Variants in NBAS observed in about 807,000 individuals in gnomAD.
NBAS encodes NBAS subunit of NRZ tethering complex.
Under a neutral mutation model 302.5 loss-of-function variants are expected in NBAS, and 219 were observed. That is an observed-to-expected ratio of 0.72 (90% CI 0.65 to 0.81). NBAS has a LOEUF of 0.81. Ranked by LOEUF, NBAS falls within the 30% of genes least tolerant of loss-of-function variation. The probability of loss-of-function intolerance (pLI) is 0.00; values close to 1 mark genes in which losing one functional copy is unlikely to be tolerated. For missense variants in NBAS, 2,932 were observed against 2,841.6 expected (o/e 1.03, Z -0.72); for synonymous variants, 1,118 against 1,021.6 (o/e 1.09, Z -1.80).
rs1664476768 is a variant in NBAS at position 15,553,447 on chromosome 2, T to C, written c.314A>G (p.Gln105Arg). ...ASNGKLLAAV[Q>R]DQCVEIRSAK... ...TTACCTGATTTCCACACACTGATCT[T>C]GAACAGCAGCCAAAAGCTTTCCATT... The change falls in exon 5 of 52, where the codon CAA becomes CGA. Residue 105 changes from glutamine (Q) to arginine (R), a missense_variant. Gln to Arg is a conservative substitution (Grantham distance 43, BLOSUM62 1). Transcript: ENST00000281513. The C allele has an allele frequency of 1.2e-6, 2 of 1,611,564 alleles. No individual in the cohort carries two copies. Among genetic ancestry groups the C allele is most frequent in the Admixed American group, 1.7e-5 (1 of 60,018 alleles).
chr2:15,461,174 T>C (rs1679489375), intron 21 of NBAS, 27 bp downstream of exon 21: 1 of 1,603,126 alleles, frequency 6.2e-7, no homozygotes, highest in African/African-American at 1.3e-5. Context: ...AAAAAGAAGG[T>C]AAAATTCTGT....
the NBAS span, among the ~76,000 whole-genome samples, chr2:15,045,767 A>C: frequency 6.6e-6 from 1 of 152,162 alleles, no homozygotes; most frequent in African/African-American, 2.4e-5. Flanking sequence ...TTCTACGCCA[A>C]ATTTTTTGAG....
intron 4 of NBAS, among the ~76,000 whole-genome samples, chr2:15,553,832 CCCT>C (rs1664505216): frequency 1.5e-5 from 2 of 137,318 alleles, no homozygotes; most frequent in Non-Finnish European, 3.2e-5. Flanking sequence ...CTCTCTCTCT[CCCT>C]CTCTCCCTCT....
chr2:15,517,770 T>C (rs1368379920), intron 9 of NBAS, among the ~76,000 whole-genome samples: 1 of 152,166 alleles, frequency 6.6e-6, no homozygotes, highest in Non-Finnish European at 1.5e-5. Context: ...ACACAGTACA[T>C]AGAGTATCGT....
At chr2:15,227,661 G>A (rs1667201640) in intron 47 of NBAS, among the ~76,000 whole-genome samples, 1 of 152,078 alleles carries the variant, frequency 6.6e-6, no homozygotes. Context: ...GAACATAATA[G>A]AGAACCCCAA....
At chr2:14,954,126 G>C in the NBAS span, among the ~76,000 whole-genome samples, 1 of 152,186 alleles carries the variant, frequency 6.6e-6, no homozygotes, top group African/African-American at 2.4e-5. Context: ...TTGATGTAAA[G>C]GCAGAAATTA....
chr2:15,112,044 C>T, the NBAS span, among the ~76,000 whole-genome samples: 5 of 150,346 alleles, frequency 3.3e-5, no homozygotes, highest in African/African-American at 7.3e-5. Context: ...AAATGCTCTG[C>T]AAAGTTATTG....
the NBAS span, among the ~76,000 whole-genome samples, chr2:14,950,109 A>G: frequency 1.3e-5 from 2 of 152,148 alleles, no homozygotes; most frequent in Non-Finnish European, 2.9e-5. Flanking sequence ...TGGTGCACCT[A>G]TCACCCAAGC....
intron 8 of NBAS, among the ~76,000 whole-genome samples, chr2:15,535,681 T>C (rs1437759825): frequency 6.6e-6 from 1 of 152,126 alleles, no homozygotes; most frequent in Non-Finnish European, 1.5e-5. Flanking sequence ...ATAAATGCTA[T>C]GTAAATAGTA....
At chr2:14,989,165 A>G in the NBAS span, among the ~76,000 whole-genome samples, 7 of 152,210 alleles carry the variant, frequency 4.6e-5, no homozygotes, top group African/African-American at 1.7e-4. Flanking sequence ...CATGACTCTA[A>G]GTATCCAAAA....
chr2:15,259,666 T>C (rs983400836), intron 44 of NBAS, among the ~76,000 whole-genome samples: 2 of 152,204 alleles, frequency 1.3e-5, no homozygotes, highest in Non-Finnish European at 2.9e-5. Flanking sequence ...CTCACTTCCA[T>C]GGATGCCTTG....
intron 31 of NBAS, among the ~76,000 whole-genome samples, chr2:15,371,159 G>A (rs1481567546): frequency 1.3e-5 from 2 of 152,090 alleles, no homozygotes; most frequent in South Asian, 2.1e-4. Context: ...GCACTTCCTC[G>A]TTCTCAAATA....
intron 28 of NBAS, among the ~76,000 whole-genome samples, chr2:15,383,858 G>A (rs1029065822): frequency 6.6e-6 from 1 of 152,166 alleles, no homozygotes; most frequent in African/African-American, 2.4e-5. Flanking sequence ...TTCTTACAGT[G>A]AGACTACTGG....
chr2:14,884,756 G>T, the NBAS span, among the ~76,000 whole-genome samples: 2 of 152,182 alleles, frequency 1.3e-5, no homozygotes, highest in Admixed American at 1.3e-4. Flanking sequence ...AAGTGCTGTG[G>T]AGGAAATAAA....
At chr2:15,087,114 G>A in the NBAS span, among the ~76,000 whole-genome samples, 1 of 151,866 alleles carries the variant, frequency 6.6e-6, no homozygotes, top group Non-Finnish European at 1.5e-5. Context: ...AAGCCTGCCA[G>A]CCTTTGGACT....
At chr2:15,346,177 G>A (rs1673079348) in intron 35 of NBAS, among the ~76,000 whole-genome samples, 1 of 152,056 alleles carries the variant, frequency 6.6e-6, no homozygotes, top group Admixed American at 6.6e-5. Context: ...AAACTAAAGA[G>A]CTTCTGCACA....
chr2:15,441,230 G>GA (rs1441937278), intron 21 of NBAS, among the ~76,000 whole-genome samples: 3 of 152,018 alleles, frequency 2.0e-5, no homozygotes, highest in African/African-American at 7.2e-5. Context: ...TGAAATGAAG[G>GA]AAAAAATGTT....
At chr2:14,930,979 C>T in the NBAS span, among the ~76,000 whole-genome samples, 1 of 152,206 alleles carries the variant, frequency 6.6e-6, no homozygotes, top group Non-Finnish European at 1.5e-5. Context: ...GTCAAATGAG[C>T]TCTGGAATAA....
At chr2:14,934,464 T>C in the NBAS span, among the ~76,000 whole-genome samples, 1 of 152,138 alleles carries the variant, frequency 6.6e-6, no homozygotes, top group South Asian at 2.1e-4. Flanking sequence ...TCTATAAGTC[T>C]ATTGAGTCCG....
Sources: allele counts gnomAD v4.1 joint callset (sites outside exome capture counted in the v4.1 genomes callset), GRCh38; gene constraint gnomAD v4.1.1; transcripts MANE v1.5; gene names NCBI Gene and HGNC (gene_info 2026-07-23, HGNC 2026-07-21).